Variants in PRDM11 observed in about 807,000 individuals in gnomAD.
PRDM11 encodes the protein PR/SET domain 11.
Under a neutral mutation model 97.8 loss-of-function variants are expected in PRDM11, and 20 were observed. The ratio of observed to expected loss-of-function variants is 0.20; its 90% confidence interval spans 0.14 to 0.30. The LOEUF is 0.30. PRDM11 is among the 10% of genes least tolerant of loss of function. The pLI, the probability that PRDM11 is intolerant of heterozygous loss-of-function variation, is 1.00. For missense variants in PRDM11, 1,139 were observed against 1,555.2 expected (o/e 0.73, Z 4.50); for synonymous variants, 599 against 637.7 (o/e 0.94, Z 0.91).
intron 5 of PRDM11, among the ~76,000 whole-genome samples, chr11:45,207,920 T>G (rs554630960): frequency 9.3e-4 from 142 of 152,292 alleles, no homozygotes; most frequent in African/African-American, 3.2e-3. Flanking sequence ...CCTCATGTCC[T>G]CTCTTGGGTG....
At chr11:45,100,403 T>C (rs1279920803) in intron 1 of PRDM11, among the ~76,000 whole-genome samples, 2 of 152,190 alleles carry the variant, frequency 1.3e-5, no homozygotes, top group African/African-American at 4.8e-5. Flanking sequence ...TGCTCAGCCT[T>C]TCACAGCCTA....
rs777182489 is a variant in PRDM11 at position 45,226,587 on chromosome 11, G to A, written c.1962G>A (p.Gln654=). The A allele has an allele frequency of 6.2e-5, 95 of 1,533,964 alleles. 1 individual carries two copies. The Middle Eastern group carries it at 6.4e-3, about 104-fold the overall frequency. The change falls in exon 8 of 8, where the codon CAG becomes CAA. Residue 654 remains glutamine (Q), a synonymous_variant. Transcript: ENST00000683152. ...AAGACCTGGTGGAGCGCATCCGCCAGTCACCTTGCCTCAGCGTCATCCTGG... is the reference window on the plus strand; with the variant it reads ...AAGACCTGGTGGAGCGCATCCGCCAATCACCTTGCCTCAGCGTCATCCTGG... ...LREDLVERIR[Q]SPCLSVILDG...
intron 1 of PRDM11, among the ~76,000 whole-genome samples, chr11:45,168,414 T>G (rs1181098290): frequency 2.6e-5 from 4 of 152,100 alleles, no homozygotes; most frequent in Non-Finnish European, 5.9e-5. Flanking sequence ...CTCCAGGAAT[T>G]GGGAGGAGTG....
intron 1 of PRDM11, among the ~76,000 whole-genome samples, chr11:45,107,167 C>G (rs1852076327): frequency 6.6e-6 from 1 of 152,146 alleles, no homozygotes; most frequent in African/African-American, 2.4e-5. Context: ...GTTAGCACAC[C>G]AGGGTCACCA....
At chr11:45,155,286 G>A (rs995324962) in intron 1 of PRDM11, among the ~76,000 whole-genome samples, 1 of 152,232 alleles carries the variant, frequency 6.6e-6, no homozygotes, top group Non-Finnish European at 1.5e-5. Flanking sequence ...AGGGGATGGA[G>A]ATGGCCGGCT....
chr11:45,204,748 G>T lies in PRDM11; in HGVS notation c.524G>T (p.Gly175Val). The change falls in exon 5 of 8, where the codon GGC (glycine) becomes GTC (valine). Residue 175 changes from glycine to valine, a missense_variant. Gly to Val is a moderately radical substitution (Grantham distance 109). Around this residue, in one of 2 missense-constraint regions of PRDM11, gnomAD observed 429 missense variants for 510.3 expected, o/e 0.84. Coordinates refer to ENST00000683152, the MANE Select transcript of PRDM11 (RefSeq NM_001384648.1). Reference sequence around the variant, plus strand: ...AACAACCGCTATAAGTCCATAGATGGCTCAGACGAGACCAAAGCCAACTGG... The same window carrying T: ...AACAACCGCTATAAGTCCATAGATGTCTCAGACGAGACCAAAGCCAACTGG... The part of the protein sequence containing the change: ...DKNNRYKSID[G>V]SDETKANWMR... 6.2e-7 allele frequency: 1 copy of T among 1,613,152 alleles called. No individual in the cohort carries two copies. The highest frequency in any genetic ancestry group is 8.5e-7 in the Non-Finnish European group (1 of 1,179,140).
intron 1 of PRDM11, among the ~76,000 whole-genome samples, chr11:45,150,246 C>T (rs530782994): frequency 6.6e-6 from 1 of 152,196 alleles, no homozygotes; most frequent in South Asian, 2.1e-4. Flanking sequence ...CAGGGAAGCC[C>T]TCCCTGATTA....
intron 1 of PRDM11, among the ~76,000 whole-genome samples, chr11:45,162,830 C>T (rs1289737148): frequency 2.6e-5 from 4 of 152,344 alleles, no homozygotes; most frequent in Middle Eastern, 3.4e-3. Flanking sequence ...ATGCCTGACA[C>T]ATGGCAGGTG....
chr11:45,196,951 A>G (rs546239663), intron 4 of PRDM11, among the ~76,000 whole-genome samples: 2 of 152,184 alleles, frequency 1.3e-5, no homozygotes, highest in South Asian at 4.1e-4. Flanking sequence ...ACACACCCCT[A>G]TGAGTTGTTG....
At chr11:45,100,682 T>G (rs1851957678) in intron 1 of PRDM11, among the ~76,000 whole-genome samples, 1 of 152,234 alleles carries the variant, frequency 6.6e-6, no homozygotes, top group African/African-American at 2.4e-5. Context: ...CAGCTTCCCA[T>G]CCTCAACCGG....
chr11:45,159,179 A>G (rs1283235220), intron 1 of PRDM11, among the ~76,000 whole-genome samples: 10 of 152,184 alleles, frequency 6.6e-5, no homozygotes, highest in Non-Finnish European at 1.5e-5. Flanking sequence ...GACAGTGGCC[A>G]AGAAAGTCTC....
At position 45,138,021 on chromosome 11, in the gene PRDM11, G is replaced by A. The variant is rs189894966; in HGVS notation, c.96+42120G>A. ...AGAAAGGAAGACCTACACCACACGG[G>A]GAAAACACAGCTTCACCCTCCAGTA... On this transcript the variant is annotated intron_variant, in intron 1 of 6. Coordinates refer to the PRDM11 transcript ENST00000530656. Among the ~76,000 whole-genome samples, 7 of 152,224 alleles carry A rather than the reference G, an allele frequency of 4.6e-5. No individual in the cohort carries two copies. In the East Asian group the frequency reaches 7.7e-4, roughly 17 times the overall value.
intron 1 of PRDM11, among the ~76,000 whole-genome samples, chr11:45,103,236 C>A (rs1035959602): frequency 6.6e-6 from 1 of 152,208 alleles, no homozygotes; most frequent in Non-Finnish European, 1.5e-5. Flanking sequence ...GCCGGGCCTG[C>A]CTCCTCCCCG....
chr11:45,205,006 G>A (rs943370177), intron 5 of PRDM11, among the ~76,000 whole-genome samples: 8 of 152,170 alleles, frequency 5.3e-5, no homozygotes, highest in East Asian at 1.9e-4. Flanking sequence ...GGGACCGCTC[G>A]GGCTGCTCAC....
At chr11:45,137,198 C>A (rs937779674) in intron 1 of PRDM11, among the ~76,000 whole-genome samples, 13 of 147,222 alleles carry the variant, frequency 8.8e-5, no homozygotes. Flanking sequence ...CAGATGGGGC[C>A]GAGGCAGGCA....
chr11:45,181,819 A>T lies in PRDM11; in HGVS notation c.53A>T (p.Asp18Val). Reference sequence around the variant, plus strand: ...GCCCAGACCAATGCAGCCGTGGGGGATATGGTGACGGTGGTGAAGACGGAG... The same window carrying T: ...GCCCAGACCAATGCAGCCGTGGGGGTTATGGTGACGGTGGTGAAGACGGAG... ...CLAQTNAAVG[D>V]MVTVVKTEVC... The change falls in exon 2 of 8, where the codon GAT becomes GTT. Residue 18 changes from aspartate to valine, a missense_variant. Transcript: ENST00000683152. 6.2e-7 allele frequency: 1 copy of T among 1,612,988 alleles called. No homozygotes were observed.
chr11:45,172,547 A>G lies in PRDM11; in HGVS notation c.-6-9214A>G, dbSNP rs570723479. 1.5e-4 allele frequency among the ~76,000 whole-genome samples: 23 copies of G among 152,266 alleles called. No homozygotes were observed. In the South Asian group the frequency reaches 3.5e-3, roughly 23 times the overall value. The stretch of plus-strand genomic sequence containing the variant: ...TCCAAGGTTTTAGGAGCTCTGTTTT[A>G]TTAGCCAGGAACCAGGGACAAAGAC... On this transcript the variant is annotated intron_variant, in intron 1 of 7. Coordinates refer to ENST00000683152, the MANE Select transcript of PRDM11 (RefSeq NM_001384648.1).
At chr11:45,141,906 C>G (rs1415404060), upstream of PRDM11, among the ~76,000 whole-genome samples, 2 of 152,166 alleles carry the variant, frequency 1.3e-5, no homozygotes, top group African/African-American at 2.4e-5. Context: ...GTTGTTTCAG[C>G]TTCTCCAGTG....
At chr11:45,163,545 G>C (rs1252871644) in intron 1 of PRDM11, among the ~76,000 whole-genome samples, 1 of 152,080 alleles carries the variant, frequency 6.6e-6, no homozygotes, top group African/African-American at 2.4e-5. Flanking sequence ...GCTCCTGATC[G>C]TAGGGAATTC....
Sources: gnomAD v4.1 joint callset for allele counts (sites outside exome capture counted in the v4.1 genomes callset) on GRCh38, gnomAD v4.1.1 for gene constraint, gnomAD v4.1.1 regional missense constraint, MANE v1.5 for transcripts, NCBI Gene and HGNC (gene_info 2026-07-23, HGNC 2026-07-21) for gene names.